The following BANP variants were observed in gnomAD, a reference collection of about 807,000 sequenced individuals.
BANP encodes BTG3 associated nuclear protein, also known as protein BANP.
A neutral mutation model predicts 68.1 loss-of-function variants in BANP; 11 were observed. The ratio of observed to expected loss-of-function variants is 0.16; its 90% CI spans 0.10 to 0.27. The LOEUF is 0.27. Ranked by LOEUF, BANP falls within the 10% of genes least tolerant of loss-of-function variation. The probability of loss-of-function intolerance (pLI) is 1.00; values close to 1 mark genes in which losing one functional copy is unlikely to be tolerated. For synonymous variants in BANP, 329 were observed against 303.2 expected (o/e 1.09, Z -0.88); for missense variants, 504 against 722.7 (o/e 0.70, Z 3.47).
At chr16:87,954,392 A>G (rs1447550534) in intron 1 of BANP, among the ~76,000 whole-genome samples, 1 of 152,194 alleles carries the variant, frequency 6.6e-6, no homozygotes, top group African/African-American at 2.4e-5. Context: ...TGTCACTTAA[A>G]AAAAGTGTTG....
At chr16:88,054,464 T>TCAC (rs971353879) in intron 11 of BANP, among the ~76,000 whole-genome samples, 2 of 152,162 alleles carry the variant, frequency 1.3e-5, no homozygotes, top group Non-Finnish European at 2.9e-5. Flanking sequence ...TCCCTCATCC[T>TCAC]CACCACCACT....
intron 11 of BANP, among the ~76,000 whole-genome samples, chr16:88,063,816 G>A (rs2087633875): frequency 2.0e-5 from 3 of 152,174 alleles, no homozygotes; most frequent in Admixed American, 2.0e-4. Context: ...TACAGTGTCA[G>A]AAACCTCAGA....
chr16:88,008,411 A>AAAT (rs1166284277), intron 6 of BANP, among the ~76,000 whole-genome samples: 1 of 152,252 alleles, frequency 6.6e-6, no homozygotes, highest in East Asian at 1.9e-4. Flanking sequence ...ATCACATTGC[A>AAAT]GTAACGACAG....
chr16:87,964,926 A>G (rs2059773462), intron 1 of BANP, among the ~76,000 whole-genome samples: 1 of 152,168 alleles, frequency 6.6e-6, no homozygotes, highest in Non-Finnish European at 1.5e-5. Context: ...TGGACATGTT[A>G]GAATTGAGAC....
chr16:88,042,204 T>C (rs1373531500), intron 11 of BANP, among the ~76,000 whole-genome samples: 2 of 152,210 alleles, frequency 1.3e-5, no homozygotes, highest in African/African-American at 4.8e-5. Context: ...CAGTAGCGGA[T>C]GGTGCATCCC....
intron 7 of BANP, among the ~76,000 whole-genome samples, chr16:88,021,661 C>T (rs914143768): frequency 5.3e-5 from 8 of 152,152 alleles, no homozygotes; most frequent in Non-Finnish European, 1.2e-4. Context: ...CCCAAAAAAC[C>T]AAAACAAATG....
intron 1 of BANP, among the ~76,000 whole-genome samples, chr16:87,964,869 G>A (rs1276828724): frequency 6.6e-6 from 1 of 152,214 alleles, no homozygotes; most frequent in African/African-American, 2.4e-5. Flanking sequence ...GAGGTGGAAA[G>A]TGTGGAAGAA....
At chr16:87,953,138 G>C (rs1466628421) in intron 1 of BANP, among the ~76,000 whole-genome samples, 1 of 152,028 alleles carries the variant, frequency 6.6e-6, no homozygotes, top group East Asian at 1.9e-4. Flanking sequence ...TAAGGGACTT[G>C]CTCAGATTTA....
At chr16:87,990,863 C>T (rs112367920) in intron 4 of BANP, among the ~76,000 whole-genome samples, 4 of 152,218 alleles carry the variant, frequency 2.6e-5, no homozygotes, top group East Asian at 1.9e-4. Context: ...CCCAGGTTCA[C>T]GCCATTCTCC....
chr16:87,990,565 A>T (rs184353725), intron 4 of BANP, among the ~76,000 whole-genome samples: 2 of 152,310 alleles, frequency 1.3e-5, no homozygotes, highest in East Asian at 3.9e-4. Flanking sequence ...ATAGCATTTC[A>T]TAGGCTTTAG....
chr16:87,976,332 T>TG, intron 2 of BANP, among the ~76,000 whole-genome samples: 1 of 152,354 alleles, frequency 6.6e-6, no homozygotes, highest in East Asian at 1.9e-4. Context: ...CTTTTAAAAA[T>TG]GGTGTTAAAG....
chr16:88,043,269 C>A (rs2081247714), intron 11 of BANP, among the ~76,000 whole-genome samples: 1 of 152,184 alleles, frequency 6.6e-6, no homozygotes, highest in African/African-American at 2.4e-5. Flanking sequence ...ATGGGTAGCT[C>A]CTTCGGGTGA....
rs1002736227 is a variant in BANP at position 88,057,202 on chromosome 16, G to A, written c.1312-8065G>A. 2.6e-5 allele frequency among the ~76,000 whole-genome samples: 4 copies of A among 152,190 alleles called. No individual in the cohort carries two copies. The highest frequency in any genetic ancestry group is 6.5e-5 in the Admixed American group (1 of 15,282). Reference sequence around the variant, plus strand: ...TTGTGGTGGGGAGCGACTTCACACAGCTGGCACGGGATGCTTCGAAGTGGG... The same window carrying A: ...TTGTGGTGGGGAGCGACTTCACACAACTGGCACGGGATGCTTCGAAGTGGG... On this transcript the variant is annotated intron_variant, in intron 11 of 13. Coordinates refer to ENST00000682872, the MANE Select transcript of BANP (RefSeq NM_001386991.1). The surrounding 1 kb of genome is among the most constrained non-coding windows in gnomAD (Gnocchi z 4.6).
At chr16:88,027,696 A>T in intron 8 of BANP, 46 bp downstream of exon 8, 2 of 1,606,826 alleles carry the variant, frequency 1.2e-6, no homozygotes, top group Non-Finnish European at 1.7e-6. Context: ...CGCTCGGGGC[A>T]GCTGGCCTGG....
chr16:87,995,725 C>T (rs1287446992), intron 4 of BANP, among the ~76,000 whole-genome samples: 1 of 152,228 alleles, frequency 6.6e-6, no homozygotes, highest in Non-Finnish European at 1.5e-5. Context: ...TCCTCCTCTC[C>T]CTGCTGTAGA....
At chr16:87,955,118 T>C (rs973490903) in intron 1 of BANP, among the ~76,000 whole-genome samples, 1 of 152,216 alleles carries the variant, frequency 6.6e-6, no homozygotes, top group Non-Finnish European at 1.5e-5. Context: ...CCGTCTGCCC[T>C]GCTGGGGTCC....
chr16:88,060,902 G>T (rs572127947), intron 11 of BANP, among the ~76,000 whole-genome samples: 22 of 148,636 alleles, frequency 1.5e-4, no homozygotes, highest in Middle Eastern at 3.4e-3. Flanking sequence ...GAGGCCTGTG[G>T]TCCATGGGGG....
At chr16:87,959,476 A>G (rs1283811403) in intron 1 of BANP, among the ~76,000 whole-genome samples, 4 of 152,196 alleles carry the variant, frequency 2.6e-5, no homozygotes, top group Non-Finnish European at 5.9e-5. Flanking sequence ...TGGGCCCTGC[A>G]CAGAGGAGCT....
intron 7 of BANP, among the ~76,000 whole-genome samples, chr16:88,020,271 C>G (rs531900195): frequency 1.3e-3 from 201 of 152,334 alleles, no homozygotes; most frequent in Non-Finnish European, 2.2e-3. Context: ...AGCGCATGGT[C>G]GTGGATGTGC....
Sources: gnomAD v4.1 joint callset for allele counts (sites outside exome capture counted in the v4.1 genomes callset) on GRCh38, gnomAD v4.1.1 for gene constraint, Gnocchi (gnomAD v3.1) non-coding constraint, MANE v1.5 for transcripts, NCBI Gene and HGNC (gene_info 2026-07-23, HGNC 2026-07-21) for gene names.